The following SLCO1B1 variants were observed in gnomAD, a reference collection of about 807,000 sequenced individuals.
The protein encoded by SLCO1B1 is OATP-2.
A neutral mutation model predicts 70.1 loss-of-function variants in SLCO1B1; 81 were observed. The observed-to-expected ratio is 1.16, with a 90% CI of 0.97 to 1.39. SLCO1B1 has a LOEUF of 1.39. Ranked by LOEUF, SLCO1B1 falls within the 40% of genes most tolerant of loss-of-function variation. The pLI is 0.00. For missense variants in SLCO1B1, 895 were observed against 799.6 expected (o/e 1.12, Z -1.44); for synonymous variants, 283 against 271.5 (o/e 1.04, Z -0.42).
chr12:21,142,571 A>G (rs528806394), intron 2 of SLCO1B1, among the ~76,000 whole-genome samples: 2 of 152,132 alleles, frequency 1.3e-5, no homozygotes, highest in South Asian at 4.1e-4. Flanking sequence ...CAATAATGTT[A>G]TAAAAGGTTC....
At chr12:21,142,093 A>G (rs1173314757) in intron 2 of SLCO1B1, among the ~76,000 whole-genome samples, 2 of 151,014 alleles carry the variant, frequency 1.3e-5, no homozygotes, top group East Asian at 1.9e-4. Flanking sequence ...AAAAAACAGG[A>G]TTTAAAAAAG....
chr12:21,217,213 C>A lies in SLCO1B1; in HGVS notation c.1592C>A (p.Thr531Lys). 1.2e-6 allele frequency: 2 copies of A among 1,613,646 alleles called. No homozygotes were observed. The highest frequency in any genetic ancestry group is 1.7e-6 in the Non-Finnish European group (2 of 1,179,676). Residue 531 changes from threonine to lysine, a missense_variant, in exon 12 of 15, where the codon ACA becomes AAA. Coordinates refer to ENST00000256958, the MANE Select transcript of SLCO1B1 (RefSeq NM_006446.5). ...LGECPRDDAC[T>K]RKFYFFVAIQ... ...GAATGCCCAAGAGATGATGCTTGTA[C>A]AAGGAAATTTTACTTTTTTGTTGCA...
In SLCO1B1 at chr12:21,206,015, T is replaced by C. The variant is rs1941211603; in HGVS notation, c.1479T>C (p.Ser493=). The change falls in exon 11 of 15, where the codon AGT becomes AGC. Residue 493 remains serine, a synonymous_variant. Transcript: ENST00000256958. ...SPCLAGCKSS[S]GNKKPIVFYN... ...GTCTAGCAGGTTGCAAATCTTCAAG[T>C]GGCAATAAAAAGCCTATAGTGAGTA... The C allele has an allele frequency of 6.2e-7, 1 of 1,611,846 alleles. No individual in the cohort carries two copies. The highest frequency in any genetic ancestry group is 1.3e-5 in the African/African-American group (1 of 74,838).
At chr12:21,221,503 T>C (rs1311661907) in intron 12 of SLCO1B1, among the ~76,000 whole-genome samples, 1 of 151,964 alleles carries the variant, frequency 6.6e-6, no homozygotes, top group African/African-American at 2.4e-5. Context: ...GGAAAAAATA[T>C]TTACAAACAA....
At chr12:21,193,734 A>G (rs372358996) in intron 7 of SLCO1B1, among the ~76,000 whole-genome samples, 1 of 152,030 alleles carries the variant, frequency 6.6e-6, no homozygotes, top group South Asian at 2.1e-4. Flanking sequence ...CAGCCAACCT[A>G]TATCCTTAAT....
At chr12:21,158,055 A>G (rs973328262) in intron 2 of SLCO1B1, among the ~76,000 whole-genome samples, 6 of 152,216 alleles carry the variant, frequency 3.9e-5, no homozygotes, top group Non-Finnish European at 5.9e-5. Flanking sequence ...GCCCTTTGTC[A>G]TCAAATTGAT....
At chr12:21,170,901 G>A (rs906082191) in intron 2 of SLCO1B1, among the ~76,000 whole-genome samples, 1 of 152,104 alleles carries the variant, frequency 6.6e-6, no homozygotes, top group Non-Finnish European at 1.5e-5. Context: ...CCCAAACATG[G>A]CCTAGGGCCA....
intron 14 of SLCO1B1, among the ~76,000 whole-genome samples, chr12:21,229,413 C>A (rs926977421): frequency 4.6e-5 from 7 of 152,160 alleles, no homozygotes; most frequent in African/African-American, 7.2e-5. Flanking sequence ...TCCTCTAAAA[C>A]CCCTGGAGAC....
rs1941170149 is a variant in SLCO1B1, at chr12:21,202,544, AT to A, written c.1191del (p.Lys399AsnfsTer4). On this transcript the variant is annotated frameshift_variant, in exon 10 of 15. Coordinates refer to ENST00000256958, the MANE Select transcript of SLCO1B1 (RefSeq NM_006446.5). LOFTEE classifies it high-confidence loss of function. ...ASGMFLGGYI[I>X]KKFKLNTVGI... ...TGGAATGTTTTTAGGAGGATATATC[AT>A]TAAAAAATTCAAACTGAACACCGTT... The A allele has an allele frequency of 6.2e-7, 1 of 1,612,058 alleles. No individual in the cohort carries two copies. Among genetic ancestry groups the A allele is most frequent in the African/African-American group, 1.3e-5 (1 of 74,808 alleles).
intron 11 of SLCO1B1, among the ~76,000 whole-genome samples, chr12:21,208,816 T>C (rs1256298788): frequency 6.6e-6 from 1 of 152,048 alleles, no homozygotes; most frequent in Non-Finnish European, 1.5e-5. Context: ...AGGGTTTGTA[T>C]TTATCCTAGT....
intron 14 of SLCO1B1, among the ~76,000 whole-genome samples, chr12:21,237,241 C>T (rs1158987525): frequency 6.6e-6 from 1 of 152,074 alleles, no homozygotes; most frequent in South Asian, 2.1e-4. Context: ...ATATGAGTCT[C>T]TCTAAAAAGC....
intron 14 of SLCO1B1, among the ~76,000 whole-genome samples, chr12:21,233,084 A>G (rs11045885): frequency 0.22 from 32,931 of 151,990 alleles, 4,001 homozygotes; most frequent in East Asian, 0.45. Flanking sequence ...TTCAGCACCC[A>G]ATATTGACCT....
chr12:21,192,194 A>G (rs1941036588), intron 7 of SLCO1B1, among the ~76,000 whole-genome samples: 1 of 151,838 alleles, frequency 6.6e-6, no homozygotes, highest in East Asian at 1.9e-4. Context: ...TGCCATTAAT[A>G]TTTTCTTTAG....
intron 2 of SLCO1B1, among the ~76,000 whole-genome samples, chr12:21,161,679 A>T (rs1940621400): frequency 6.6e-6 from 1 of 152,194 alleles, no homozygotes; most frequent in Non-Finnish European, 1.5e-5. Context: ...GTTAGAAAGA[A>T]AATATTAACA....
intron 7 of SLCO1B1, among the ~76,000 whole-genome samples, chr12:21,182,422 A>G (rs951746961): frequency 6.6e-6 from 1 of 152,166 alleles, no homozygotes; most frequent in Non-Finnish European, 1.5e-5. Context: ...CCCAACATCC[A>G]AGGCTCTCTT....
chr12:21,233,000 A>G (rs570067634), intron 14 of SLCO1B1, among the ~76,000 whole-genome samples: 1 of 152,196 alleles, frequency 6.6e-6, no homozygotes, highest in East Asian at 1.9e-4. Flanking sequence ...AATGGGCTGC[A>G]TGAGGAACCA....
In SLCO1B1 at chr12:21,176,856, T is replaced by C. The variant is rs764708597; in HGVS notation, c.440T>C (p.Ile147Thr). 8.3e-6 allele frequency: 13 copies of C among 1,559,590 alleles called. No individual in the cohort carries two copies. The highest frequency in any genetic ancestry group is 9.7e-6 in the Non-Finnish European group (11 of 1,130,414). Residue 147 changes from isoleucine to threonine, a missense_variant, in exon 5 of 15, where the codon ATT becomes ACT. Ile to Thr is a moderately conservative substitution (Grantham distance 89). Transcript: ENST00000256958. The stretch of plus-strand genomic sequence containing the variant: ...TTATCCACTTGTTTAATTAATCAAA[T>C]TTTATCACTCAATAGAGCATCACCT... ...STLSTCLINQ[I>T]LSLNRASPEI...
In SLCO1B1 at chr12:21,217,285, A is replaced by G. The variant is rs781111529; in HGVS notation, c.1664A>G (p.His555Arg). 3.7e-6 allele frequency: 6 copies of G among 1,613,562 alleles called. No homozygotes were observed. Among genetic ancestry groups the G allele is most frequent in the Non-Finnish European group, 5.1e-6 (6 of 1,179,686 alleles). Residue 555 changes from histidine to arginine, a missense_variant, in exon 12 of 15, where the codon CAT (histidine) becomes CGT (arginine). By Grantham distance (29) the His-to-Arg change is conservative. Transcript: ENST00000256958. ...TTCTCTGCACTTGGAGGCACCTCAC[A>G]TGTCATGCTGATTGTTAAGTAAGTA... ...LFFSALGGTS[H>R]VMLIVKIVQP...
chr12:21,235,623 GTTAC>G (rs2121211543), intron 14 of SLCO1B1, among the ~76,000 whole-genome samples: 1 of 151,980 alleles, frequency 6.6e-6, no homozygotes, highest in South Asian at 2.1e-4. Context: ...CAATTGTGTA[GTTAC>G]TTAATAGGAT....
Sources: allele counts gnomAD v4.1 joint callset (sites outside exome capture counted in the v4.1 genomes callset), GRCh38; gene constraint gnomAD v4.1.1; transcripts MANE v1.5; gene names NCBI Gene and HGNC (gene_info 2026-07-23, HGNC 2026-07-21).